The following ZNF610 variants were observed in gnomAD, a reference collection of about 807,000 sequenced individuals.
ZNF610 encodes the protein zink finger protein.
A neutral mutation model predicts 14.1 loss-of-function variants in ZNF610; 14 were observed. That is an observed-to-expected ratio of 0.99 (90% CI 0.65 to 1.55). The LOEUF is 1.55. Ranked by LOEUF, ZNF610 falls within the 40% of genes most tolerant of loss-of-function variation. ZNF610 has a pLI of 0.00. For synonymous variants in ZNF610, 185 were observed against 187.6 expected (o/e 0.99, Z 0.11); for missense variants, 530 against 558.0 (o/e 0.95, Z 0.51).
chr19:52,353,571 T>C, intron 3 of ZNF610, 111 bp from the exon 4 acceptor site: 1 of 1,218,456 alleles, frequency 8.2e-7, no homozygotes, highest in Non-Finnish European at 1.1e-6. Context: ...GTTTCTATGT[T>C]TTTTAATGAT....
In ZNF610 at chr19:52,338,849, G is replaced by GA. The variant is rs1195719481; in HGVS notation, c.-258+2346dup. ...AGGTGGAATGAAACACTCAGAAAAA[G>GA]AAAGAGACACAGAGCAAAGTACAGA... On this transcript the variant is annotated intron_variant, in intron 1 of 5. Transcript: ENST00000403906. Among the ~76,000 whole-genome samples, 6 of 152,086 alleles carry GA rather than the reference G, an allele frequency of 3.9e-5. No individual in the cohort carries two copies. The East Asian group carries it at 9.7e-4, about 25-fold the overall frequency.
chr19:52,334,272 T>C (rs1984268913), upstream of ZNF610, among the ~76,000 whole-genome samples: 1 of 149,630 alleles, frequency 6.7e-6, no homozygotes, highest in Admixed American at 6.7e-5. Context: ...CCCAGCACTT[T>C]GGGAGGCCAA....
rs536335855 is a variant in ZNF610 at position 52,367,049 on chromosome 19, G to A, written c.*282G>A. ...GGATTCACATTTAACTGCTGGCACC[G>A]TAATTTGTAACTCTTTGATTTAGAA... On this transcript the variant is annotated 3_prime_UTR_variant, in exon 6 of 6. Coordinates refer to ENST00000403906, the MANE Select transcript of ZNF610 (RefSeq NM_001161425.2). The A allele has an allele frequency of 4.1e-5, 15 of 363,984 alleles. No homozygotes were observed. In the South Asian group the frequency reaches 5.0e-4, roughly 12 times the overall value. The allele number at this position is 363,984 out of a possible 1,614,324, so 22.5% of individuals were successfully genotyped here. A position where few individuals can be genotyped will look rare whatever the true frequency, so the allele number is the denominator to read the frequency against.
intron 1 of ZNF610, among the ~76,000 whole-genome samples, chr19:52,338,693 T>C (rs1984496427): frequency 6.6e-6 from 1 of 152,086 alleles, no homozygotes; most frequent in East Asian, 1.9e-4. Flanking sequence ...GGAGGGGCTC[T>C]TAGTAAACAT....
At chr19:52,350,861 A>G (rs911410047) in intron 3 of ZNF610, among the ~76,000 whole-genome samples, 2 of 149,670 alleles carry the variant, frequency 1.3e-5, no homozygotes, top group African/African-American at 4.9e-5. Flanking sequence ...TGAGTCGGGC[A>G]TGGTGGCACA....
chr19:52,351,784 G>A (rs1172678741), intron 3 of ZNF610, among the ~76,000 whole-genome samples: 1 of 152,160 alleles, frequency 6.6e-6, no homozygotes, highest in East Asian at 1.9e-4. Context: ...CTGATCTGGG[G>A]CCCTGTTACT....
At chr19:52,346,846 C>T (rs895839617) in intron 1 of ZNF610, among the ~76,000 whole-genome samples, 1 of 152,110 alleles carries the variant, frequency 6.6e-6, no homozygotes, top group African/African-American at 2.4e-5. Flanking sequence ...TCTCCTGCCT[C>T]GGCCTCCTGA....
Position 52,353,795 on chromosome 19 carries a change from C to A in ZNF610, c.177C>A (p.Asn59Lys). Residue 59 changes from asparagine (N) to lysine (K), a missense_variant, in exon 4 of 6, where the codon AAC becomes AAA. Transcript: ENST00000403906. ...ACGTGATGTTGGAGAACTACAGGAA[C>A]CTGGTCTTTCTGGGTGAGGATGACT... ...YRDVMLENYRNLVFLGICLPD... is the reference protein window; with the variant it reads ...YRDVMLENYRKLVFLGICLPD... 1.2e-6 allele frequency: 2 copies of A among 1,612,124 alleles called. No individual in the cohort carries two copies. The highest frequency in any genetic ancestry group is 1.7e-6 in the Non-Finnish European group (2 of 1,179,444).
intron 1 of ZNF610, among the ~76,000 whole-genome samples, chr19:52,341,459 G>A (rs1445185216): frequency 1.3e-5 from 2 of 151,706 alleles, no homozygotes; most frequent in Non-Finnish European, 2.9e-5. Flanking sequence ...ACAAGCACAC[G>A]CCACCATGCG....
At chr19:52,358,830 C>T (rs772246986) in intron 5 of ZNF610, among the ~76,000 whole-genome samples, 60 of 152,284 alleles carry the variant, frequency 3.9e-4, no homozygotes, top group Non-Finnish European at 4.9e-4. Context: ...TTTTTGCATA[C>T]GGTGTAATAA....
chr19:52,338,048 C>A (rs1984465746), intron 1 of ZNF610, among the ~76,000 whole-genome samples: 2 of 152,220 alleles, frequency 1.3e-5, no homozygotes, highest in Non-Finnish European at 1.5e-5. Flanking sequence ...AGCAGTTCAT[C>A]AGACACCACC....
intron 5 of ZNF610, among the ~76,000 whole-genome samples, chr19:52,360,376 A>C (rs1414787403): frequency 9.8e-6 from 1 of 102,458 alleles, no homozygotes; most frequent in Non-Finnish European, 2.4e-5. Context: ...ATATATATGT[A>C]ATACCATAAC....
Position 52,367,473 on chromosome 19 carries a change from G to A in ZNF610, c.*706G>A, listed in dbSNP as rs162118. On this transcript the variant is annotated 3_prime_UTR_variant, in exon 6 of 6. Transcript: ENST00000403906. Reference sequence around the variant, plus strand: ...AATGAATTACATCCTTTCTACCAGCGTTGTTTAATCTTACCTCAGGAGGAT... The same window carrying A: ...AATGAATTACATCCTTTCTACCAGCATTGTTTAATCTTACCTCAGGAGGAT... 124,603 of 152,174 alleles carry A rather than the reference G, an allele frequency of 0.82. 51,277 individuals carry two copies. The highest frequency in any genetic ancestry group is 0.88 in the African/African-American group (36,699 of 41,520). The allele number at this position is 152,174 out of a possible 1,614,324, so 9.4% of individuals were successfully genotyped here.
chr19:52,343,804 A>G (rs1984802858), intron 1 of ZNF610, among the ~76,000 whole-genome samples: 1 of 152,166 alleles, frequency 6.6e-6, no homozygotes, highest in South Asian at 2.1e-4. Flanking sequence ...AACAGCTGGC[A>G]TACAGCCACG....
intron 5 of ZNF610, among the ~76,000 whole-genome samples, chr19:52,359,668 C>T (rs976088307): frequency 5.3e-5 from 8 of 152,104 alleles, no homozygotes; most frequent in African/African-American, 1.9e-4. Flanking sequence ...CTTCCGTGAC[C>T]GACGGTATAG....
intron 1 of ZNF610, among the ~76,000 whole-genome samples, chr19:52,338,795 C>T (rs892743663): frequency 1.3e-5 from 2 of 152,114 alleles, no homozygotes; most frequent in Non-Finnish European, 2.9e-5. Flanking sequence ...GGGTGGCCTG[C>T]CCCTCCACAC....
chr19:52,330,784 A>G, the ZNF610 span, among the ~76,000 whole-genome samples: 1 of 152,160 alleles, frequency 6.6e-6, no homozygotes, highest in African/African-American at 2.4e-5. Context: ...TGAGAACCAT[A>G]TGCTTCCAGA....
In ZNF610 at chr19:52,351,466, A is replaced by G. The variant is rs373850927; in HGVS notation, c.64-2216A>G. On this transcript the variant is annotated intron_variant, in intron 3 of 5. Transcript: ENST00000403906. ...GCGAGACTGTCTCAAAGAAAAAAAAAAAAGAAAGAAATCAGTCACCTCTCT... is the reference window on the plus strand; with the variant it reads ...GCGAGACTGTCTCAAAGAAAAAAAAGAAAGAAAGAAATCAGTCACCTCTCT... 3.3e-5 allele frequency among the ~76,000 whole-genome samples: 5 copies of G among 152,050 alleles called. No homozygotes were observed. In the East Asian group the frequency reaches 9.7e-4, roughly 29 times the overall value.
At chr19:52,342,077 A>G (rs913278952) in intron 1 of ZNF610, among the ~76,000 whole-genome samples, 1 of 151,950 alleles carries the variant, frequency 6.6e-6, no homozygotes, top group African/African-American at 2.4e-5. Flanking sequence ...CCGAGTAGCC[A>G]GGACTACAGG....
Sources: allele counts gnomAD v4.1 joint callset (sites outside exome capture counted in the v4.1 genomes callset), GRCh38; gene constraint gnomAD v4.1.1; transcripts MANE v1.5; gene names NCBI Gene and HGNC (gene_info 2026-07-23, HGNC 2026-07-21).